PTPRD: variants seen among roughly 807,000 people sequenced by gnomAD.
PTPRD encodes the protein receptor-type tyrosine-protein phosphatase delta.
Under a neutral mutation model 214.5 loss-of-function variants are expected in PTPRD, and 34 were observed. The ratio of observed to expected loss-of-function variants is 0.16; its 90% CI spans 0.12 to 0.21. The LOEUF is 0.21. Among genes scored for constraint, PTPRD ranks in the 10% least tolerant of loss-of-function variants. The pLI is 1.00. For synonymous variants in PTPRD, 1,128 were observed against 845.7 expected (o/e 1.33, Z -5.79); for missense variants, 2,545 against 2,398.7 (o/e 1.06, Z -1.27).
At chr9:10,076,330 C>A (rs984429734) in intron 3 of PTPRD, among the ~76,000 whole-genome samples, 3 of 152,080 alleles carry the variant, frequency 2.0e-5, no homozygotes. Flanking sequence ...GGTTTAAGAG[C>A]GGGTGTAAAC....
At chr9:9,670,787 G>A (rs913836332) in intron 7 of PTPRD, among the ~76,000 whole-genome samples, 2 of 152,168 alleles carry the variant, frequency 1.3e-5, no homozygotes, top group Non-Finnish European at 2.9e-5. Flanking sequence ...GTCAAGAACT[G>A]GGGTTTGGGA....
intron 34 of PTPRD, 120 bp from the exon 35 acceptor site, chr9:8,436,809 G>T: frequency 1.3e-6 from 1 of 755,698 alleles, no homozygotes; most frequent in Non-Finnish European, 2.1e-6. Context: ...TAGTAAAGAT[G>T]TTTTAGGTGA....
intron 11 of PTPRD, among the ~76,000 whole-genome samples, chr9:8,849,261 CG>C (rs1426414999): frequency 6.6e-6 from 1 of 150,450 alleles, no homozygotes; most frequent in Non-Finnish European, 1.5e-5. Flanking sequence ...CTGCAAGCTC[CG>C]CCTCTCGGGT....
chr9:10,212,792 G>T (rs1288266025), intron 3 of PTPRD, among the ~76,000 whole-genome samples: 1 of 152,072 alleles, frequency 6.6e-6, no homozygotes, highest in East Asian at 1.9e-4. Context: ...GTCCTACAAG[G>T]TTTCACCCAC....
rs542093143 is a variant in PTPRD at position 10,169,419 on chromosome 9, A to G, written c.-544-135629T>C. Among the ~76,000 whole-genome samples the G allele has an allele frequency of 4.1e-5, 6 of 144,972 alleles. No homozygotes were observed. The South Asian group carries it at 1.3e-3, about 32-fold the overall frequency. ...AACCCCGGAGGCGGAGCTTGCAGTG[A>G]GCAGAGATCGCGCCACTGCACTCCA... On this transcript the variant is annotated intron_variant, in intron 3 of 45. Coordinates refer to ENST00000381196, the MANE Select transcript of PTPRD (RefSeq NM_002839.4).
chr9:9,125,125 T>TA (rs1389935707), intron 10 of PTPRD, among the ~76,000 whole-genome samples: 1 of 152,054 alleles, frequency 6.6e-6, no homozygotes, highest in Non-Finnish European at 1.5e-5. Context: ...CATGACAATA[T>TA]AAATTTATCT....
At chr9:9,769,532 T>C (rs956977999) in intron 5 of PTPRD, among the ~76,000 whole-genome samples, 1 of 151,970 alleles carries the variant, frequency 6.6e-6, no homozygotes, top group African/African-American at 2.4e-5. Context: ...TTCACCGTGT[T>C]AGCCAGGATG....
chr9:8,694,478 A>G (rs906535201), intron 12 of PTPRD, among the ~76,000 whole-genome samples: 20 of 152,178 alleles, frequency 1.3e-4, no homozygotes, highest in Non-Finnish European at 1.2e-4. Context: ...ATGTTCAGGG[A>G]TTTGGTATTT....
At chr9:9,655,018 T>C (rs549437382) in intron 7 of PTPRD, among the ~76,000 whole-genome samples, 1 of 152,000 alleles carries the variant, frequency 6.6e-6, no homozygotes, top group African/African-American at 2.4e-5. Flanking sequence ...TATAGATATA[T>C]AGATATAGAT....
At position 8,500,823 on chromosome 9, in the gene PTPRD, C is replaced by A. The variant is rs1408307039; in HGVS notation, c.2059G>T (p.Val687Leu). 4.3e-5 allele frequency: 69 copies of A among 1,614,024 alleles called. No homozygotes were observed. The highest frequency in any genetic ancestry group is 5.8e-5 in the Non-Finnish European group (68 of 1,180,022). The change falls in exon 24 of 46, where the codon GTG (valine) becomes TTG (leucine). Residue 687 changes from valine (V) to leucine (L), a missense_variant. Coordinates refer to ENST00000381196, the MANE Select transcript of PTPRD (RefSeq NM_002839.4). ...GGGCCGACATCTGTATGGGCTGTCACAGTGATCCGGTATTCAGTCCATTTT... is the reference window on the plus strand; with the variant it reads ...GGGCCGACATCTGTATGGGCTGTCAAAGTGATCCGGTATTCAGTCCATTTT... Reference protein sequence around the residue: ...LEKWTEYRITVTAHTDVGPGP... With the variant: ...LEKWTEYRITLTAHTDVGPGP...
chr9:8,844,059 TC>T (rs2097633131), intron 11 of PTPRD, among the ~76,000 whole-genome samples: 2 of 152,172 alleles, frequency 1.3e-5, no homozygotes, highest in Admixed American at 6.6e-5. Flanking sequence ...TTCTCTCTCA[TC>T]CAGACGTATG....
At chr9:8,495,418 T>A (rs1157977141) in intron 26 of PTPRD, among the ~76,000 whole-genome samples, 1 of 152,220 alleles carries the variant, frequency 6.6e-6, no homozygotes, top group Non-Finnish European at 1.5e-5. Flanking sequence ...TATCACTTCA[T>A]GACTAAATTA....
intron 2 of PTPRD, among the ~76,000 whole-genome samples, chr9:10,358,732 C>G (rs2097323418): frequency 6.6e-6 from 1 of 151,900 alleles, no homozygotes; most frequent in South Asian, 2.1e-4. Flanking sequence ...TATACTGTAA[C>G]ATAATTGCAT....
intron 5 of PTPRD, among the ~76,000 whole-genome samples, chr9:9,894,393 G>A (rs1028443745): frequency 1.3e-5 from 2 of 151,946 alleles, no homozygotes; most frequent in African/African-American, 2.4e-5. Flanking sequence ...CCTCTCTCAA[G>A]GCTCATTGTC....
In PTPRD at chr9:8,500,873, G is replaced by A. The variant is rs770452187; in HGVS notation, c.2009C>T (p.Thr670Ile). ...HEILGIPSDT[T>I]KYLLEQLEKW... Reference sequence around the variant, plus strand: ...TTCCAGCTGTTCCAAAAGGTATTTGGTAGTGTCCGAAGGAATTCCCAAAAT... The same window carrying A: ...TTCCAGCTGTTCCAAAAGGTATTTGATAGTGTCCGAAGGAATTCCCAAAAT... The change falls in exon 24 of 46, where the codon ACC (threonine) becomes ATC (isoleucine). Residue 670 changes from threonine to isoleucine, a missense_variant. Physicochemically the swap from Thr to Ile is moderately conservative, Grantham distance 89 (BLOSUM62 -1). Coordinates refer to ENST00000381196, the MANE Select transcript of PTPRD (RefSeq NM_002839.4). 1 of 1,614,156 alleles carries A rather than the reference G, an allele frequency of 6.2e-7. No individual in the cohort carries two copies. The highest frequency in any genetic ancestry group is 1.1e-5 in the South Asian group (1 of 91,082).
chr9:9,941,238 G>A (rs550711856), intron 4 of PTPRD, among the ~76,000 whole-genome samples: 3 of 152,194 alleles, frequency 2.0e-5, no homozygotes, highest in African/African-American at 4.8e-5. Context: ...TGAGGGAAGG[G>A]AAAAGCTATG....
intron 8 of PTPRD, among the ~76,000 whole-genome samples, chr9:9,477,714 G>T (rs2095165502): frequency 6.6e-6 from 1 of 152,018 alleles, no homozygotes; most frequent in East Asian, 1.9e-4. Flanking sequence ...AATAAAATTG[G>T]TTTGGTCACT....
intron 11 of PTPRD, among the ~76,000 whole-genome samples, chr9:8,824,335 C>G (rs537410578): frequency 1.3e-5 from 2 of 152,218 alleles, no homozygotes; most frequent in East Asian, 3.9e-4. Context: ...TGCCCAGGGA[C>G]AAAGATCTAT....
In PTPRD at chr9:9,148,000, C is replaced by T. The variant is rs114477401; in HGVS notation, c.-143+35304G>A. Among the ~76,000 whole-genome samples, 909 of 152,216 alleles carry T rather than the reference C, an allele frequency of 6.0e-3. 5 individuals are homozygous for T. The highest frequency in any genetic ancestry group is 0.021 in the African/African-American group (861 of 41,542). On this transcript the variant is annotated intron_variant, in intron 10 of 45. Coordinates refer to ENST00000381196, the MANE Select transcript of PTPRD (RefSeq NM_002839.4). ...TTGAGAACCACTATCACCTGGAGGG[C>T]TTGTTTTAGGAATGCAATAAGCAAA...
Sources: allele counts gnomAD v4.1 joint callset (sites outside exome capture counted in the v4.1 genomes callset), GRCh38; gene constraint gnomAD v4.1.1; transcripts MANE v1.5; gene names NCBI Gene and HGNC (gene_info 2026-07-23, HGNC 2026-07-21).